Variants in ANO3 observed in about 807,000 individuals in gnomAD.
ANO3 encodes the protein anoctamin-3.
A neutral mutation model predicts 144.8 loss-of-function variants in ANO3; 99 were observed. That is an observed-to-expected ratio of 0.68 (90% CI 0.58 to 0.81). The LOEUF is 0.81. ANO3 is among the 30% of genes least tolerant of loss of function. The probability of loss-of-function intolerance (pLI) is 0.00; values close to 1 mark genes in which losing one functional copy is unlikely to be tolerated. For synonymous variants in ANO3, 414 were observed against 392.6 expected, an observed-to-expected ratio of 1.05 and a Z score of -0.64; for missense variants, 905 against 1,202.2, an observed-to-expected ratio of 0.75 and a Z score of 3.66.
intron 1 of ANO3, among the ~76,000 whole-genome samples, chr11:26,333,260 AGTT>A (rs1263439586): frequency 6.7e-6 from 1 of 148,846 alleles, no homozygotes; most frequent in African/African-American, 2.5e-5. Context: ...TTTCATCAAC[AGTT>A]GTTTTTATGT....
At chr11:26,321,294 A>G (rs1854754457) in intron 1 of ANO3, among the ~76,000 whole-genome samples, 1 of 151,934 alleles carries the variant, frequency 6.6e-6, no homozygotes, top group Non-Finnish European at 1.5e-5. Context: ...TAACATTTTT[A>G]CATCCCCTAC....
intron 11 of ANO3, among the ~76,000 whole-genome samples, chr11:26,544,260 A>ATATATATACACATACAT (rs1849722632): frequency 1.3e-5 from 1 of 75,554 alleles, no homozygotes; most frequent in African/African-American, 4.6e-5. Flanking sequence ...ACATATATAT[A>ATATATATACACATACAT]TATATATATA....
chr11:26,643,473 T>C, intron 23 of ANO3, 139 bp downstream of exon 23: 1 of 1,057,336 alleles, frequency 9.5e-7, no homozygotes, highest in South Asian at 1.7e-5. Context: ...GTGATTAAGC[T>C]GGCCGGGCGT....
intron 4 of ANO3, among the ~76,000 whole-genome samples, chr11:26,501,340 A>G (rs931778060): frequency 6.6e-6 from 1 of 152,180 alleles, no homozygotes; most frequent in Non-Finnish European, 1.5e-5. Context: ...AGCTGTGCCT[A>G]TTATTCTTTA....
intron 22 of ANO3, 133 bp from the exon 23 acceptor site, chr11:26,643,049 T>C (rs772596061): frequency 5.3e-6 from 4 of 755,416 alleles, no homozygotes; most frequent in Non-Finnish European, 8.7e-6. Context: ...AATAAGGTTG[T>C]CCTAACTGTA....
intron 17 of ANO3, among the ~76,000 whole-genome samples, chr11:26,621,182 G>T (rs758571546): frequency 3.3e-5 from 5 of 152,070 alleles, no homozygotes; most frequent in Admixed American, 2.0e-4. Flanking sequence ...ACTGGTTTTT[G>T]CATAACACCC....
At chr11:26,613,632 T>C (rs971891243) in intron 17 of ANO3, among the ~76,000 whole-genome samples, 2 of 152,214 alleles carry the variant, frequency 1.3e-5, no homozygotes, top group Non-Finnish European at 2.9e-5. Flanking sequence ...TTTTATAGGA[T>C]AGCATTTGTA....
intron 3 of ANO3, among the ~76,000 whole-genome samples, chr11:26,453,229 A>C (rs1354570191): frequency 6.6e-6 from 1 of 152,108 alleles, no homozygotes; most frequent in African/African-American, 2.4e-5. Flanking sequence ...ACACATAACA[A>C]TATTAACTTT....
chr11:26,397,810 G>A (rs1213132313), intron 1 of ANO3, among the ~76,000 whole-genome samples: 1 of 151,966 alleles, frequency 6.6e-6, no homozygotes. Context: ...CTAACTAGCT[G>A]TAATTTTGTA....
chr11:26,309,597 C>T (rs1854461327), upstream of ANO3: 1 of 900,222 alleles, frequency 1.1e-6, no homozygotes, highest in African/African-American at 1.8e-5. Context: ...TTCTGGTCTA[C>T]TGAGTTTCTG....
intron 5 of ANO3, among the ~76,000 whole-genome samples, chr11:26,511,428 AT>A (rs1482214382): frequency 3.3e-5 from 5 of 152,160 alleles, no homozygotes; most frequent in South Asian, 2.1e-4. Context: ...ACAAAAAAAA[AT>A]TTTTTATACT....
chr11:26,505,511 G>A (rs10767544), intron 4 of ANO3, among the ~76,000 whole-genome samples: 93,934 of 151,952 alleles, frequency 0.62, 29,601 homozygotes, highest in East Asian at 0.79. Context: ...TATATAGGGG[G>A]AATAAAGGCA....
intron 17 of ANO3, among the ~76,000 whole-genome samples, chr11:26,603,605 A>G (rs956778929): frequency 6.6e-6 from 1 of 152,226 alleles, no homozygotes; most frequent in East Asian, 1.9e-4. Context: ...TTATTTAAGA[A>G]CATGAAATAC....
chr11:26,540,181 T>A (rs1008997658), intron 10 of ANO3, among the ~76,000 whole-genome samples: 6 of 152,084 alleles, frequency 3.9e-5, no homozygotes, highest in African/African-American at 1.2e-4. Context: ...AATCCTTCAA[T>A]TTTTTGAATA....
intron 1 of ANO3, among the ~76,000 whole-genome samples, chr11:26,194,702 G>A (rs929395774): frequency 1.6e-4 from 25 of 151,680 alleles, no homozygotes; most frequent in East Asian, 1.9e-4. Context: ...GTTTCTCCAC[G>A]TTCAGGCTCA....
chr11:26,232,831 C>T (rs1041441116), intron 1 of ANO3, among the ~76,000 whole-genome samples: 7 of 152,166 alleles, frequency 4.6e-5, no homozygotes, highest in African/African-American at 1.7e-4. Flanking sequence ...AAACTATCAT[C>T]AGAGTGAACA....
At chr11:26,543,012 C>T (rs1166916954) in intron 11 of ANO3, among the ~76,000 whole-genome samples, 1 of 152,030 alleles carries the variant, frequency 6.6e-6, no homozygotes, top group Non-Finnish European at 1.5e-5. Context: ...GAACTATATA[C>T]AGAAGCATAA....
At chr11:26,579,019 C>G (rs1851062616) in intron 14 of ANO3, among the ~76,000 whole-genome samples, 1 of 152,188 alleles carries the variant, frequency 6.6e-6, no homozygotes, top group African/African-American at 2.4e-5. Flanking sequence ...TTAAGCAACT[C>G]TTGCCCAATT....
intron 1 of ANO3, among the ~76,000 whole-genome samples, chr11:26,289,924 T>C (rs1324291220): frequency 6.6e-6 from 1 of 151,994 alleles, no homozygotes; most frequent in African/African-American, 2.4e-5. Context: ...GTCAGGATGA[T>C]GCTGGCCTCA....
Sources: gnomAD v4.1 joint callset for allele counts (sites outside exome capture counted in the v4.1 genomes callset) on GRCh38, gnomAD v4.1.1 for gene constraint, MANE v1.5 for transcripts, NCBI Gene and HGNC (gene_info 2026-07-23, HGNC 2026-07-21) for gene names.